Variants in PTPRD observed in about 807,000 individuals in gnomAD.
PTPRD encodes the protein receptor-type tyrosine-protein phosphatase delta.
A neutral mutation model predicts 214.5 loss-of-function variants in PTPRD; 34 were observed. That is an observed-to-expected ratio of 0.16 (90% CI 0.12 to 0.21). The LOEUF is 0.21. Ranked by LOEUF, PTPRD falls within the 10% of genes least tolerant of loss-of-function variation. The pLI is 1.00. For synonymous variants in PTPRD, 1,128 were observed against 845.7 expected, an observed-to-expected ratio of 1.33 and a Z score of -5.79; for missense variants, 2,545 against 2,398.7, an observed-to-expected ratio of 1.06 and a Z score of -1.27.
intron 6 of PTPRD, among the ~76,000 whole-genome samples, chr9:9,749,989 G>A (rs1264632238): frequency 6.6e-6 from 1 of 152,132 alleles, no homozygotes; most frequent in African/African-American, 2.4e-5. Flanking sequence ...TACTTGCACA[G>A]CCTTCATAAC....
At chr9:8,435,294 C>G (rs917519693) in intron 35 of PTPRD, among the ~76,000 whole-genome samples, 2 of 152,096 alleles carry the variant, frequency 1.3e-5, no homozygotes, top group South Asian at 2.1e-4. Context: ...TTTTGTGACC[C>G]CTCTAAGCCA....
At chr9:8,363,626 A>G (rs1367839288) in intron 39 of PTPRD, among the ~76,000 whole-genome samples, 5 of 152,230 alleles carry the variant, frequency 3.3e-5, no homozygotes, top group Non-Finnish European at 5.9e-5. Flanking sequence ...GGAAATTCAC[A>G]TTGCACTTAA....
At chr9:8,637,620 T>G (rs911171889) in intron 12 of PTPRD, among the ~76,000 whole-genome samples, 3 of 152,246 alleles carry the variant, frequency 2.0e-5, no homozygotes, top group Non-Finnish European at 4.4e-5. Context: ...AAAACTTACT[T>G]ATTTTTCATC....
chr9:10,200,661 G>C (rs1446409265), intron 3 of PTPRD, among the ~76,000 whole-genome samples: 1 of 152,026 alleles, frequency 6.6e-6, no homozygotes, highest in Non-Finnish European at 1.5e-5. Flanking sequence ...ATATTCTCAA[G>C]GGGAGTTATT....
At chr9:8,767,158 C>T (rs2094818527) in intron 11 of PTPRD, among the ~76,000 whole-genome samples, 1 of 151,946 alleles carries the variant, frequency 6.6e-6, no homozygotes. Flanking sequence ...GCTCTTGTTG[C>T]CCAGGCTGGA....
chr9:10,543,617 C>A (rs950259518), intron 2 of PTPRD, among the ~76,000 whole-genome samples: 1 of 152,062 alleles, frequency 6.6e-6, no homozygotes, highest in African/African-American at 2.4e-5. Flanking sequence ...ATTATGTTGT[C>A]TTAAGGCATC....
intron 3 of PTPRD, among the ~76,000 whole-genome samples, chr9:10,252,944 C>T (rs975872306): frequency 3.3e-5 from 5 of 151,924 alleles, no homozygotes; most frequent in Non-Finnish European, 5.9e-5. Context: ...CCACCACACC[C>T]GGCTCATTTT....
chr9:8,644,054 A>C (rs1483271125), intron 12 of PTPRD, among the ~76,000 whole-genome samples: 2 of 152,152 alleles, frequency 1.3e-5, no homozygotes, highest in African/African-American at 2.4e-5. Flanking sequence ...GAGGCCCATA[A>C]AAGTTCCAGG....
rs1822265778 is a variant in PTPRD, at chr9:8,316,932, C to T, written c.*942G>A. 1 of 231,314 alleles carries T rather than the reference C, an allele frequency of 4.3e-6. No homozygotes were observed. The highest frequency in any genetic ancestry group is 2.2e-5 in the African/African-American group (1 of 45,164). The allele number at this position is 231,314 out of a possible 1,614,324, so 14.3% of individuals were successfully genotyped here. On this transcript the variant is annotated 3_prime_UTR_variant, in exon 46 of 46. Transcript: ENST00000381196. The stretch of plus-strand genomic sequence containing the variant: ...ACTGTATCTATTTTTTGTGTGGACA[C>T]ACTGTCTATATATACATAGACACCC...
At chr9:9,739,081 C>T (rs1439269163) in intron 6 of PTPRD, among the ~76,000 whole-genome samples, 1 of 152,174 alleles carries the variant, frequency 6.6e-6, no homozygotes, top group African/African-American at 2.4e-5. Context: ...TCCACACTTA[C>T]ACAATAATAG....
chr9:10,360,115 T>C (rs1459118188), intron 2 of PTPRD, among the ~76,000 whole-genome samples: 1 of 152,192 alleles, frequency 6.6e-6, no homozygotes, highest in African/African-American at 2.4e-5. Flanking sequence ...TTTGTCCTAC[T>C]GAAAAACGCA....
In PTPRD at chr9:8,632,383, A is replaced by G. The variant is rs184523277; in HGVS notation, c.352+934T>C. ...TAGTAGAGAAATGTACTTAATCTAC[A>G]TAAGTTCCTCTATGATTCTGATTGT... On this transcript the variant is annotated intron_variant, in intron 14 of 45. Transcript: ENST00000381196. Among the ~76,000 whole-genome samples the G allele has an allele frequency of 1.7e-3, 264 of 152,116 alleles. 1 individual carries two copies. In the East Asian group the frequency reaches 0.019, roughly 11 times the overall value.
intron 2 of PTPRD, among the ~76,000 whole-genome samples, chr9:10,489,173 G>A (rs1244447276): frequency 1.3e-5 from 2 of 152,032 alleles, no homozygotes; most frequent in Admixed American, 6.6e-5. Flanking sequence ...ATTATCAGGC[G>A]ATATATCCTG....
At chr9:10,109,708 T>C (rs2098672793) in intron 3 of PTPRD, among the ~76,000 whole-genome samples, 1 of 152,160 alleles carries the variant, frequency 6.6e-6, no homozygotes, top group South Asian at 2.1e-4. Flanking sequence ...TGATGGGGTG[T>C]CTGATAGTAT....
intron 2 of PTPRD, among the ~76,000 whole-genome samples, chr9:10,440,064 T>C (rs542304988): frequency 6.6e-6 from 1 of 151,504 alleles, no homozygotes; most frequent in African/African-American, 2.4e-5. Flanking sequence ...TTGCATCTAC[T>C]AAGTTAAATA....
At chr9:9,916,659 C>T (rs924382287) in intron 5 of PTPRD, among the ~76,000 whole-genome samples, 3 of 151,782 alleles carry the variant, frequency 2.0e-5, no homozygotes, top group African/African-American at 7.2e-5. Flanking sequence ...CAAAAGCTAA[C>T]AGTAGTTATA....
chr9:10,187,552 T>G (rs1222170879), intron 3 of PTPRD, among the ~76,000 whole-genome samples: 1 of 152,230 alleles, frequency 6.6e-6, no homozygotes, highest in Non-Finnish European at 1.5e-5. Context: ...TCCTTCCAGT[T>G]CTAACTTGCA....
intron 10 of PTPRD, among the ~76,000 whole-genome samples, chr9:9,092,550 A>T (rs1569538618): frequency 6.6e-6 from 1 of 152,044 alleles, no homozygotes. Flanking sequence ...TATTCTATTC[A>T]CTTATAACAT....
At chr9:8,353,644 G>A (rs1453996792) in intron 39 of PTPRD, among the ~76,000 whole-genome samples, 1 of 151,726 alleles carries the variant, frequency 6.6e-6, no homozygotes. Flanking sequence ...ATGTTGGCCA[G>A]GCTGGTCTCG....
Sources: allele counts gnomAD v4.1 joint callset (sites outside exome capture counted in the v4.1 genomes callset), GRCh38; gene constraint gnomAD v4.1.1; transcripts MANE v1.5; gene names NCBI Gene and HGNC (gene_info 2026-07-23, HGNC 2026-07-21).